The following CNOT4 variants were observed in gnomAD, a reference collection of about 807,000 sequenced individuals.
CNOT4 encodes CCR4-NOT transcription complex subunit 4.
A neutral mutation model predicts 73.8 loss-of-function variants in CNOT4; 8 were observed. That is an observed-to-expected ratio of 0.11 (90% CI 0.06 to 0.20). CNOT4 has a LOEUF of 0.20. Ranked by LOEUF, CNOT4 falls within the 10% of genes least tolerant of loss-of-function variation. CNOT4 has a pLI of 1.00. For missense variants in CNOT4, 564 were observed against 883.4 expected (o/e 0.64, Z 4.58); for synonymous variants, 293 against 321.1 (o/e 0.91, Z 0.94).
At chr7:135,478,024 G>A (rs1802105552) in intron 1 of CNOT4, among the ~76,000 whole-genome samples, 1 of 151,918 alleles carries the variant, frequency 6.6e-6, no homozygotes, top group African/African-American at 2.4e-5. Context: ...CAAATGTGGT[G>A]TTATCTGTTT....
chr7:135,422,063 G>A (rs1399913063), intron 3 of CNOT4, 93 bp downstream of exon 3: 1 of 736,302 alleles, frequency 1.4e-6, no homozygotes, highest in Non-Finnish European at 2.4e-6. Context: ...TGTGTTCAGA[G>A]GAATCACACA....
intron 1 of CNOT4, among the ~76,000 whole-genome samples, chr7:135,449,013 G>C (rs1384269141): frequency 6.6e-6 from 1 of 152,142 alleles, no homozygotes; most frequent in African/African-American, 2.4e-5. Flanking sequence ...ACAGACAGGA[G>C]AGAGAGGGAA....
chr7:135,384,672 A>T (rs1275053438), intron 10 of CNOT4: 1 of 765,280 alleles, frequency 1.3e-6, no homozygotes, highest in Admixed American at 1.7e-5. Flanking sequence ...CTACTGAATG[A>T]GCCTATCTTC....
chr7:135,443,123 G>A (rs930901900), intron 1 of CNOT4, among the ~76,000 whole-genome samples: 3 of 151,016 alleles, frequency 2.0e-5, no homozygotes, highest in Non-Finnish European at 4.4e-5. Flanking sequence ...GGCCAAGGCA[G>A]ATGGATCTCT....
intron 10 of CNOT4, among the ~76,000 whole-genome samples, chr7:135,392,017 T>A (rs1403299179): frequency 6.6e-6 from 1 of 152,088 alleles, no homozygotes; most frequent in Non-Finnish European, 1.5e-5. Context: ...GGTAGCTGTA[T>A]TACTTCTCAG....
chr7:135,410,428 G>A, intron 7 of CNOT4, 87 bp downstream of exon 7: 1 of 881,052 alleles, frequency 1.1e-6, no homozygotes, highest in African/African-American at 1.7e-5. Context: ...TTGTCAACAA[G>A]GATTTTGCCT....
chr7:135,501,954 A>G (rs1045734423), intron 1 of CNOT4, among the ~76,000 whole-genome samples: 8 of 152,182 alleles, frequency 5.3e-5, no homozygotes, highest in African/African-American at 1.9e-4. Flanking sequence ...TGAGGGCTCT[A>G]CCCTCATCAA....
intron 10 of CNOT4, among the ~76,000 whole-genome samples, chr7:135,378,178 T>C (rs868560412): frequency 1.3e-5 from 2 of 152,128 alleles, no homozygotes; most frequent in African/African-American, 4.8e-5. Flanking sequence ...ATCCAGACAA[T>C]GATTTCTGTT....
At chr7:135,407,070 G>C (rs1797332773) in intron 7 of CNOT4, among the ~76,000 whole-genome samples, 1 of 152,156 alleles carries the variant, frequency 6.6e-6, no homozygotes, top group South Asian at 2.1e-4. Flanking sequence ...CTCTTGCTCT[G>C]AGTTCACAGG....
intron 2 of CNOT4, among the ~76,000 whole-genome samples, chr7:135,433,074 A>C (rs1798941527): frequency 6.6e-6 from 1 of 152,124 alleles, no homozygotes; most frequent in African/African-American, 2.4e-5. Context: ...ATATTCTTGG[A>C]TGATTACTTC....
intron 3 of CNOT4, among the ~76,000 whole-genome samples, chr7:135,416,184 T>G (rs373836814): frequency 9.8e-5 from 15 of 152,286 alleles, no homozygotes; most frequent in African/African-American, 3.4e-4. Context: ...ATGTAACTAT[T>G]CAAGTGTGTG....
chr7:135,377,688 A>C (rs1055914501), intron 10 of CNOT4, among the ~76,000 whole-genome samples: 2 of 152,190 alleles, frequency 1.3e-5, no homozygotes, highest in Non-Finnish European at 2.9e-5. Flanking sequence ...TCAAAAATTT[A>C]TATGCTCATC....
At chr7:135,418,028 T>C (rs1054677860) in intron 3 of CNOT4, among the ~76,000 whole-genome samples, 2 of 152,234 alleles carry the variant, frequency 1.3e-5, no homozygotes, top group African/African-American at 4.8e-5. Flanking sequence ...TTTATCAGTA[T>C]ATGCTCAGTG....
chr7:135,504,023 T>C (rs928252757), intron 1 of CNOT4, among the ~76,000 whole-genome samples: 2 of 152,108 alleles, frequency 1.3e-5, no homozygotes, highest in Admixed American at 6.5e-5. Context: ...TTTTAGAAAA[T>C]TCACAATCTG....
At chr7:135,389,553 T>C (rs1796298640) in intron 10 of CNOT4, among the ~76,000 whole-genome samples, 1 of 152,134 alleles carries the variant, frequency 6.6e-6, no homozygotes, top group African/African-American at 2.4e-5. Context: ...CTGAAAATTA[T>C]TTGACTACAA....
At chr7:135,377,624 T>C (rs1795593453) in intron 10 of CNOT4, among the ~76,000 whole-genome samples, 1 of 152,186 alleles carries the variant, frequency 6.6e-6, no homozygotes, top group African/African-American at 2.4e-5. Flanking sequence ...GGAACACATC[T>C]TTTCCAGACC....
intron 10 of CNOT4, among the ~76,000 whole-genome samples, chr7:135,385,979 AC>A (rs1796099475): frequency 6.6e-6 from 1 of 152,152 alleles, no homozygotes; most frequent in Admixed American, 6.5e-5. Context: ...CACATGGAAA[AC>A]CAAAATTCAA....
chr7:135,490,034 T>A (rs180819437), intron 1 of CNOT4, among the ~76,000 whole-genome samples: 9 of 152,242 alleles, frequency 5.9e-5, no homozygotes, highest in African/African-American at 2.2e-4. Context: ...AGGTTCTTTA[T>A]ATACAGTGTA....
At chr7:135,427,545 G>C (rs1365489110) in intron 2 of CNOT4, among the ~76,000 whole-genome samples, 1 of 152,168 alleles carries the variant, frequency 6.6e-6, no homozygotes, top group Non-Finnish European at 1.5e-5. Flanking sequence ...CATGTTCCAA[G>C]TATTGATTCA....
Sources: allele counts gnomAD v4.1 joint callset (sites outside exome capture counted in the v4.1 genomes callset), GRCh38; gene constraint gnomAD v4.1.1; transcripts MANE v1.5; gene names NCBI Gene and HGNC (gene_info 2026-07-23, HGNC 2026-07-21).